Variants in KCNK10 observed in about 807,000 individuals in gnomAD.
The protein encoded by KCNK10 is potassium two pore domain channel subfamily K member 10, also known as potassium channel subfamily K member 10.
A neutral mutation model predicts 47.7 loss-of-function variants in KCNK10; 25 were observed. The ratio of observed to expected loss-of-function variants is 0.52; its 90% CI spans 0.38 to 0.73. The LOEUF (loss-of-function observed/expected upper bound fraction) is 0.73, where lower values mean the gene tolerates loss of function less well. Among genes scored for constraint, KCNK10 ranks in the 30% least tolerant of loss-of-function variants. The probability of loss-of-function intolerance (pLI) is 0.00; values close to 1 mark genes in which losing one functional copy is unlikely to be tolerated. For synonymous variants in KCNK10, 303 were observed against 285.6 expected (o/e 1.06, Z -0.61); for missense variants, 563 against 714.5 (o/e 0.79, Z 2.42).
At chr14:88,203,703 A>T (rs1885173946) in intron 4 of KCNK10, among the ~76,000 whole-genome samples, 1 of 152,228 alleles carries the variant, frequency 6.6e-6, no homozygotes. Flanking sequence ...CTAGGACAGC[A>T]GGACAGTAGC....
intron 5 of KCNK10, among the ~76,000 whole-genome samples, chr14:88,190,534 G>A (rs1456257430): frequency 1.3e-5 from 2 of 152,060 alleles, no homozygotes; most frequent in Admixed American, 6.5e-5. Context: ...GACATCCATG[G>A]TTGAGCACTG....
rs557150896 is a variant in KCNK10, at chr14:88,270,821, T to C, written c.53-7270A>G. ...GCCATGTACATGGTGTGTCACTCTC[T>C]CAGGTGTCAGTGTGATCACATGGAC... On this transcript the variant is annotated intron_variant, in intron 1 of 6. Transcript: ENST00000319231. 2.8e-5 allele frequency: 22 copies of C among 780,996 alleles called. No homozygotes were observed. In the African/African-American group the frequency reaches 3.5e-4, roughly 13 times the overall value. 48.4% of individuals were successfully genotyped at this position (780,996 alleles called of 1,614,324 possible). A position where few individuals can be genotyped will look rare whatever the true frequency, so the allele number is the denominator to read the frequency against.
At chr14:88,189,145 A>G (rs887641889) in intron 5 of KCNK10, among the ~76,000 whole-genome samples, 1 of 152,220 alleles carries the variant, frequency 6.6e-6, no homozygotes, top group Admixed American at 6.5e-5. Flanking sequence ...ATCTAGCGCC[A>G]CTGAGTCTTA....
intron 1 of KCNK10, among the ~76,000 whole-genome samples, chr14:88,280,114 C>T (rs539803868): frequency 1.2e-4 from 19 of 152,272 alleles, no homozygotes; most frequent in African/African-American, 4.6e-4. Flanking sequence ...CCTAAAACTG[C>T]ATAAAATCTA....
chr14:88,318,865 C>A (rs1163153656), intron 1 of KCNK10, among the ~76,000 whole-genome samples: 1 of 152,148 alleles, frequency 6.6e-6, no homozygotes, highest in Non-Finnish European at 1.5e-5. Flanking sequence ...ATTTTGCCCC[C>A]AAATCCAAAG....
intron 1 of KCNK10, among the ~76,000 whole-genome samples, chr14:88,290,810 C>A (rs555903305): frequency 6.6e-6 from 1 of 152,332 alleles, no homozygotes; most frequent in African/African-American, 2.4e-5. Flanking sequence ...AAAATTATTT[C>A]TGCAGGTCAT....
chr14:88,283,429 GA>G (rs758826248), intron 1 of KCNK10, among the ~76,000 whole-genome samples: 6 of 152,216 alleles, frequency 3.9e-5, no homozygotes, highest in Non-Finnish European at 8.8e-5. Flanking sequence ...TTTAACTAGT[GA>G]CTGAGACCTT....
At chr14:88,197,532 C>T (rs2139833967) in intron 4 of KCNK10, among the ~76,000 whole-genome samples, 1 of 123,668 alleles carries the variant, frequency 8.1e-6, no homozygotes, top group South Asian at 2.6e-4. Flanking sequence ...CAAGATTGCA[C>T]CACTGCACTC....
chr14:88,204,113 T>C (rs1045245558), intron 4 of KCNK10, among the ~76,000 whole-genome samples: 2 of 152,184 alleles, frequency 1.3e-5, no homozygotes, highest in African/African-American at 4.8e-5. Flanking sequence ...ATGTATACTC[T>C]TTGTAGTCTT....
At chr14:88,279,211 C>G (rs188200201) in intron 1 of KCNK10, among the ~76,000 whole-genome samples, 1 of 152,134 alleles carries the variant, frequency 6.6e-6, no homozygotes. Flanking sequence ...ATCCTATGCT[C>G]TAAGGGAACT....
At chr14:88,279,965 T>G (rs1036018354) in intron 1 of KCNK10, among the ~76,000 whole-genome samples, 10 of 152,196 alleles carry the variant, frequency 6.6e-5, no homozygotes, top group African/African-American at 2.4e-4. Flanking sequence ...ATGTAAGAAG[T>G]GCCTTTCACC....
chr14:88,240,378 CT>C (rs1461975902), intron 3 of KCNK10, among the ~76,000 whole-genome samples: 1 of 152,148 alleles, frequency 6.6e-6, no homozygotes, highest in African/African-American at 2.4e-5. Flanking sequence ...TGGTTCCTTA[CT>C]ATATAACTTT....
intron 3 of KCNK10, chr14:88,234,909 A>C (rs1886257451): frequency 3.2e-6 from 1 of 308,084 alleles, no homozygotes; most frequent in Non-Finnish European, 6.5e-6. Context: ...AAATAAAAAG[A>C]AGAAGCTCAG....
chr14:88,198,550 G>A (rs1000760683), intron 4 of KCNK10, among the ~76,000 whole-genome samples: 1 of 152,182 alleles, frequency 6.6e-6, no homozygotes, highest in African/African-American at 2.4e-5. Context: ...TTCTTCCACT[G>A]GCTAACAAGG....
intron 1 of KCNK10, among the ~76,000 whole-genome samples, chr14:88,313,792 T>C (rs188127301): frequency 6.6e-6 from 1 of 152,296 alleles, no homozygotes; most frequent in Non-Finnish European, 1.5e-5. Flanking sequence ...TTTAAGCCAC[T>C]AAATGTTGGG....
intron 1 of KCNK10, among the ~76,000 whole-genome samples, chr14:88,268,302 C>A (rs1449525244): frequency 1.3e-5 from 2 of 152,206 alleles, no homozygotes; most frequent in Non-Finnish European, 2.9e-5. Flanking sequence ...CCGGGAGCAA[C>A]GTACCCGCAG....
intron 4 of KCNK10, among the ~76,000 whole-genome samples, chr14:88,203,637 AT>A (rs1241717564): frequency 6.6e-6 from 1 of 152,228 alleles, no homozygotes; most frequent in Non-Finnish European, 1.5e-5. Context: ...AAGGTGTTGT[AT>A]CTATTCCTGA....
intron 2 of KCNK10, among the ~76,000 whole-genome samples, chr14:88,250,329 T>C (rs562874877): frequency 3.3e-5 from 5 of 152,268 alleles, no homozygotes; most frequent in East Asian, 3.9e-4. Flanking sequence ...CTTGCACACA[T>C]TGAAGCATCT....
intron 3 of KCNK10, among the ~76,000 whole-genome samples, chr14:88,236,832 A>C (rs114050575): frequency 0.02 from 3,058 of 152,308 alleles, 96 homozygotes; most frequent in African/African-American, 0.07. Flanking sequence ...TAATAATCTG[A>C]GTTTTCAACA....
Sources: allele counts gnomAD v4.1 joint callset (sites outside exome capture counted in the v4.1 genomes callset), GRCh38; gene constraint gnomAD v4.1.1; transcripts MANE v1.5; gene names NCBI Gene and HGNC (gene_info 2026-07-23, HGNC 2026-07-21).